Variants in MORC1 observed in about 807,000 individuals in gnomAD.
MORC1 encodes MORC family CW-type zinc finger protein 1.
Under a neutral mutation model 134.9 loss-of-function variants are expected in MORC1, and 59 were observed. The observed-to-expected ratio is 0.44, with a 90% CI of 0.35 to 0.54. MORC1 has a LOEUF of 0.54. MORC1 is among the 20% of genes least tolerant of loss of function. The pLI is 0.00. For missense variants in MORC1, 947 were observed against 1,134.5 expected (o/e 0.83, Z 2.37); for synonymous variants, 395 against 391.7 (o/e 1.01, Z -0.10).
At chr3:109,025,393 T>C (rs1949052287) in intron 17 of MORC1, among the ~76,000 whole-genome samples, 1 of 141,544 alleles carries the variant, frequency 7.1e-6, no homozygotes, top group South Asian at 2.4e-4. Context: ...TTTTTTTTTT[T>C]TTTTTTTTTT....
chr3:109,010,114 T>G (rs1948648586), intron 17 of MORC1, among the ~76,000 whole-genome samples: 3 of 152,298 alleles, frequency 2.0e-5, no homozygotes, highest in South Asian at 4.1e-4. Context: ...ACAGTCTCTG[T>G]TGTGTATTCT....
rs1576592649 is a variant in MORC1, at chr3:108,981,719, C to T, written c.2325-2052G>A. On this transcript the variant is annotated intron_variant, in intron 23 of 27. Coordinates refer to ENST00000232603, the MANE Select transcript of MORC1 (RefSeq NM_014429.4). ...AGTGTAAGTGGTCAGTAAATAATAC[C>T]TATTTTTGTTGTTATGATCATCTTT... Among the ~76,000 whole-genome samples, 3 of 152,140 alleles carry T rather than the reference C, an allele frequency of 2.0e-5. No individual in the cohort carries two copies. In the South Asian group the frequency reaches 6.2e-4, roughly 31 times the overall value.
intron 21 of MORC1, among the ~76,000 whole-genome samples, chr3:108,998,157 A>T (rs2107513399): frequency 6.6e-6 from 1 of 152,240 alleles, no homozygotes; most frequent in South Asian, 2.1e-4. Context: ...CAACTGTCAG[A>T]TTATAATTGG....
Position 109,004,815 on chromosome 3 carries a change from A to G in MORC1, c.2085+2T>C. ...AATACAAATTTAAAAGCCTTTTCCC[A>G]CCTGGGCATTCTTCAGGCACCCTTC... On this transcript the variant is annotated splice_donor_variant, in intron 20 of 27. Transcript: ENST00000232603. LOFTEE classifies it high-confidence loss of function. The G allele has an allele frequency of 6.2e-7, 1 of 1,612,894 alleles. No homozygotes were observed. The highest frequency in any genetic ancestry group is 2.2e-5 in the East Asian group (1 of 44,822).
intron 8 of MORC1, among the ~76,000 whole-genome samples, chr3:109,088,132 A>C (rs1449742888): frequency 6.6e-6 from 1 of 152,148 alleles, no homozygotes; most frequent in Admixed American, 6.5e-5. Context: ...CCTGGAAGAC[A>C]ACCTAGGTAA....
chr3:108,980,476 G>A (rs770980569), intron 23 of MORC1, among the ~76,000 whole-genome samples: 5 of 152,140 alleles, frequency 3.3e-5, no homozygotes, highest in Non-Finnish European at 2.9e-5. Flanking sequence ...CTCCTCCCCT[G>A]AGGTGCCATT....
chr3:109,047,281 T>C (rs1404105982), intron 14 of MORC1, among the ~76,000 whole-genome samples: 3 of 152,186 alleles, frequency 2.0e-5, no homozygotes, highest in African/African-American at 7.2e-5. Context: ...GAGGTCTTCC[T>C]TTAGGTATGG....
intron 17 of MORC1, 87 bp from the exon 18 acceptor site, chr3:109,007,178 C>A: frequency 1.9e-6 from 2 of 1,031,390 alleles, no homozygotes; most frequent in South Asian, 1.6e-5. Flanking sequence ...TTCTCCATTT[C>A]TTAAAGAAGG....
At chr3:109,043,211 CAG>C (rs1553754202) in intron 14 of MORC1, among the ~76,000 whole-genome samples, 1 of 132,708 alleles carries the variant, frequency 7.5e-6, no homozygotes, top group Non-Finnish European at 1.6e-5. Context: ...GTGTGTATAA[CAG>C]AATATTATTC....
rs575317319 is a variant in MORC1 at position 109,015,365 on chromosome 3, C to T, written c.1705-8274G>A. Among the ~76,000 whole-genome samples the T allele has an allele frequency of 2.0e-5, 3 of 152,256 alleles. No homozygotes were observed. In the East Asian group the frequency reaches 5.8e-4, roughly 29 times the overall value. On this transcript the variant is annotated intron_variant, in intron 17 of 27. Coordinates refer to ENST00000232603, the MANE Select transcript of MORC1 (RefSeq NM_014429.4). ...TTAGATCTATACCTAGAAGATTATA[C>T]CATAGTCAATGAGTGGGTTACATTT...
chr3:108,988,125 T>G (rs1947945646), intron 21 of MORC1, among the ~76,000 whole-genome samples: 1 of 151,930 alleles, frequency 6.6e-6, no homozygotes, highest in Admixed American at 6.6e-5. Flanking sequence ...TTTTTTCCCC[T>G]CCCAGGAAAT....
At chr3:109,000,796 C>T in intron 20 of MORC1, 138 bp from the exon 21 acceptor site, 1 of 618,912 alleles carries the variant, frequency 1.6e-6, no homozygotes, top group East Asian at 2.7e-5. Context: ...AATTTCCGAT[C>T]TTTGTGTATG....
At chr3:109,053,573 C>T (rs1949880616) in intron 14 of MORC1, among the ~76,000 whole-genome samples, 1 of 150,446 alleles carries the variant, frequency 6.6e-6, no homozygotes, top group Admixed American at 6.6e-5. Context: ...GAGCTAAACA[C>T]TGGGTAAACA....
At chr3:109,072,773 T>C (rs1048533483) in intron 8 of MORC1, among the ~76,000 whole-genome samples, 5 of 152,180 alleles carry the variant, frequency 3.3e-5, no homozygotes, top group African/African-American at 1.2e-4. Context: ...TTTCCATGTA[T>C]TCTTCAAGAG....
intron 17 of MORC1, among the ~76,000 whole-genome samples, chr3:109,022,564 G>A (rs1176444196): frequency 6.6e-6 from 1 of 152,174 alleles, no homozygotes; most frequent in Non-Finnish European, 1.5e-5. Context: ...TATTTGATGG[G>A]ATGACTATGA....
At position 109,064,294 on chromosome 3, in the gene MORC1, C is replaced by T. The variant is rs576625684; in HGVS notation, c.816-1063G>A. ...GGGCTTTTGGTTATTTGATTTTTCC[C>T]CCATATCTAATTCTGTATTGTATAA... On this transcript the variant is annotated intron_variant, in intron 9 of 27. Transcript: ENST00000232603. Among the ~76,000 whole-genome samples, 399 of 152,044 alleles carry T rather than the reference C, an allele frequency of 2.6e-3. 1 individual carries two copies. The highest frequency in any genetic ancestry group is 8.5e-3 in the African/African-American group (352 of 41,512).
chr3:109,115,538 A>T (rs1478099776), intron 1 of MORC1, among the ~76,000 whole-genome samples: 1 of 152,226 alleles, frequency 6.6e-6, no homozygotes, highest in Non-Finnish European at 1.5e-5. Flanking sequence ...AAATAGTGTA[A>T]AAGAGAAATA....
intron 8 of MORC1, among the ~76,000 whole-genome samples, chr3:109,072,693 G>A (rs1052085568): frequency 3.9e-5 from 6 of 152,082 alleles, no homozygotes; most frequent in African/African-American, 1.4e-4. Flanking sequence ...ATAAAAACAT[G>A]CTAAATCGTC....
intron 8 of MORC1, among the ~76,000 whole-genome samples, chr3:109,091,156 T>C (rs1229927878): frequency 6.6e-6 from 1 of 152,018 alleles, no homozygotes; most frequent in East Asian, 1.9e-4. Flanking sequence ...AAAATACATG[T>C]ATGTTGGCCA....
Sources: allele counts gnomAD v4.1 joint callset (sites outside exome capture counted in the v4.1 genomes callset), GRCh38; gene constraint gnomAD v4.1.1; transcripts MANE v1.5; gene names NCBI Gene and HGNC (gene_info 2026-07-23, HGNC 2026-07-21).